MMP3: variants seen among roughly 807,000 people sequenced by gnomAD.
The protein encoded by MMP3 is matrix metallopeptidase 3, also known as stromelysin-1.
Under a neutral mutation model 47.3 loss-of-function variants are expected in MMP3, and 46 were observed. The observed-to-expected ratio is 0.97, with a 90% confidence interval of 0.77 to 1.24. The LOEUF is 1.24. Ranked by LOEUF, MMP3 falls within the 50% of genes most tolerant of loss-of-function variation. MMP3 has a pLI of 0.00. For missense variants in MMP3, 558 were observed against 565.5 expected, an observed-to-expected ratio of 0.99 and a Z score of 0.13; for synonymous variants, 216 against 206.5, an observed-to-expected ratio of 1.05 and a Z score of -0.39.
At position 102,840,181 on chromosome 11, in the gene MMP3, C is replaced by T. The variant is rs1238621767; in HGVS notation, c.862G>A (p.Ala288Thr). The change falls in exon 6 of 10, where the codon GCC becomes ACC. Residue 288 changes from alanine to threonine, a missense_variant. By Grantham distance (58) the Ala-to-Thr change is moderately conservative. Transcript: ENST00000299855. ...AAGGACAAAGCAGGATCACAGTTGG[C>T]TGGCGTCCCAGGTTCTGGAGGGACA... ...EPVPPEPGTP[A>T]NCDPALSFDA... is the part of the protein sequence containing the mutation. The T allele has an allele frequency of 6.2e-7, 1 of 1,613,948 alleles. No individual in the cohort carries two copies. Among genetic ancestry groups the T allele is most frequent in the Non-Finnish European group, 8.5e-7 (1 of 1,179,996 alleles).
rs1555005209 is a variant in MMP3, at chr11:102,840,180, G to T, written c.863C>A (p.Ala288Asp). 6 of 1,614,080 alleles carry T rather than the reference G, an allele frequency of 3.7e-6. No homozygotes were observed. Among genetic ancestry groups the T allele is most frequent in the South Asian group, 1.1e-5 (1 of 91,068 alleles). Residue 288 changes from alanine (A) to aspartate (D), a missense_variant, in exon 6 of 10, where the codon GCC becomes GAC. Coordinates refer to ENST00000299855, the MANE Select transcript of MMP3 (RefSeq NM_002422.5). ...AAAGGACAAAGCAGGATCACAGTTG[G>T]CTGGCGTCCCAGGTTCTGGAGGGAC... is the stretch of plus-strand genomic sequence containing the variant. ...EPVPPEPGTP[A>D]NCDPALSFDA...
chr11:102,842,146 T>C lies in MMP3; in HGVS notation c.625+8A>G. 1 of 1,563,080 alleles carries C rather than the reference T, an allele frequency of 6.4e-7. No individual in the cohort carries two copies. Among genetic ancestry groups the C allele is most frequent in the Admixed American group, 1.9e-5 (1 of 51,736 alleles). On this transcript the variant is annotated splice_region_variant and intron_variant, in intron 4 of 9. Coordinates refer to ENST00000299855, the MANE Select transcript of MMP3 (RefSeq NM_002422.5). ...TGCCAAAATCATTCTGAGAGATGTG[T>C]AACTAACCTGTTGTATCCTTTGTCC...
chr11:102,842,993 G>A, intron 1 of MMP3, 77 bp from the exon 2 acceptor site: 1 of 1,264,536 alleles, frequency 7.9e-7, no homozygotes, highest in Non-Finnish European at 1.1e-6. Context: ...AGTTTTTGCA[G>A]TTGCTCACTT....
chr11:102,840,064 A>G (rs369935243), intron 6 of MMP3, 44 bp downstream of exon 6: 1 of 1,567,670 alleles, frequency 6.4e-7, no homozygotes, highest in Non-Finnish European at 8.7e-7. Context: ...CTTTCTAAAC[A>G]TTGTAGATTA....
Position 102,840,326 on chromosome 11 carries a change from G to A in MMP3, c.791-74C>T, listed in dbSNP as rs1240814768. 1.3e-5 allele frequency: 20 copies of A among 1,587,224 alleles called. No individual in the cohort carries two copies. The Middle Eastern group carries it at 8.4e-4, about 67-fold the overall frequency. Reference sequence around the variant, plus strand: ...TTGTATGCTTTCCAAACATTCTCACGGTGCTTTGAACTAAATCATAAATAC... The same window carrying A: ...TTGTATGCTTTCCAAACATTCTCACAGTGCTTTGAACTAAATCATAAATAC... On this transcript the variant is annotated intron_variant, in intron 5 of 9. Coordinates refer to ENST00000299855, the MANE Select transcript of MMP3 (RefSeq NM_002422.5).
At chr11:102,839,449 G>A (rs1331679858) in intron 6 of MMP3, among the ~76,000 whole-genome samples, 2 of 152,150 alleles carry the variant, frequency 1.3e-5, no homozygotes, top group East Asian at 1.9e-4. Flanking sequence ...TAGGTTTCCA[G>A]AGTAATGTCT....
rs1859036731 is a variant in MMP3, at chr11:102,842,935, T to G, written c.106-19A>C. The G allele has an allele frequency of 6.4e-7, 1 of 1,559,928 alleles. No homozygotes were observed. The highest frequency in any genetic ancestry group is 8.7e-7 in the Non-Finnish European group (1 of 1,151,016). On this transcript the variant is annotated intron_variant, in intron 1 of 9. Transcript: ENST00000299855. ...GATATTTCTAACAGAATAAGTATAG[T>G]TTTTAGGTCACTCTTACAATTTTTA...
At chr11:102,839,026 T>A in intron 7 of MMP3, 84 bp downstream of exon 7, 1 of 1,461,422 alleles carries the variant, frequency 6.8e-7, no homozygotes, top group African/African-American at 1.4e-5. Context: ...CCAGAACTTG[T>A]AGTAGGGAAA....
In MMP3 at chr11:102,842,829, G is replaced by T. The variant is rs143174783; in HGVS notation, c.193C>A (p.Arg65=). The T allele has an allele frequency of 6.2e-6, 10 of 1,613,552 alleles. No individual in the cohort carries two copies. The highest frequency in any genetic ancestry group is 8.5e-6 in the Non-Finnish European group (10 of 1,179,884). The change falls in exon 2 of 10, where the codon CGA becomes AGA. Residue 65 remains arginine, a synonymous_variant. Coordinates refer to ENST00000299855, the MANE Select transcript of MMP3 (RefSeq NM_002422.5). The part of the protein sequence containing the change: ...KDSGPVVKKI[R]EMQKFLGLEV... ...AATCCAAGGAACTTCTGCATTTCTC[G>T]GATTTTTTTAACAACAGGACCACTG...
chr11:102,836,289 C>T lies in MMP3; in HGVS notation c.1334-63G>A. 2.4e-6 allele frequency: 3 copies of T among 1,276,182 alleles called. No homozygotes were observed. The South Asian group carries it at 3.7e-5, about 16-fold the overall frequency. 79.1% of individuals were successfully genotyped at this position (1,276,182 alleles called of 1,614,324 possible). A position where few individuals can be genotyped will look rare whatever the true frequency, so the allele number is the denominator to read the frequency against. On this transcript the variant is annotated intron_variant, in intron 9 of 9. Transcript: ENST00000299855. This position sits in a 1 kb window ranked among gnomAD's most constrained non-coding sequence, Gnocchi z 4.6. ...CCAAATAAAGACATTTGACAATATACAAAACTCAGAATCATAGAGAACTAA... is the reference window on the plus strand; with the variant it reads ...CCAAATAAAGACATTTGACAATATATAAAACTCAGAATCATAGAGAACTAA...
chr11:102,842,404 C>CTTTTTTTTTTTTTTTTTTTTTTTTT lies in MMP3; in HGVS notation c.499+26_499+27insAAAAAAAAAAAAAAAAAAAAAAAAA, dbSNP rs11418340. ...GTGTTTTTTGTTTTGTTTTGTTTTG[C>CTTTTTTTTTTTTTTTTTTTTTTTTT]TTTTTTTTTTTTTTTTTTTTTTTTA... On this transcript the variant is annotated intron_variant, in intron 3 of 9. Transcript: ENST00000299855. 15 of 813,330 alleles carry CTTTTTTTTTTTTTTTTTTTTTTTTT rather than the reference C, an allele frequency of 1.8e-5. 1 individual carries two copies. Among genetic ancestry groups the CTTTTTTTTTTTTTTTTTTTTTTTTT allele is most frequent in the Admixed American group, 5.6e-5 (1 of 17,828 alleles). 50.4% of individuals were successfully genotyped at this position (813,330 alleles called of 1,614,324 possible). A position where few individuals can be genotyped will look rare whatever the true frequency, so the allele number is the denominator to read the frequency against.
intron 1 of MMP3, 30 bp downstream of exon 1, chr11:102,843,412 C>T (rs1248094185): frequency 6.5e-7 from 1 of 1,539,818 alleles, no homozygotes; most frequent in African/African-American, 1.4e-5. Flanking sequence ...GGAAGCTCCC[C>T]ACCTGGCCAG....
At position 102,840,461 on chromosome 11, in the gene MMP3, T is replaced by C. The variant is rs782392767; in HGVS notation, c.758A>G (p.Gln253Arg). Residue 253 changes from glutamine (Q) to arginine (R), a missense_variant, in exon 5 of 10, where the codon CAA becomes CGA. By Grantham distance (43) the Gln-to-Arg change is conservative. Transcript: ENST00000299855. ...GGACTGAATGCCATTTATATCATCT[T>C]GAGACAGGCGGAACCGAGTCAGGTC... The part of the protein sequence containing the change: ...LTDLTRFRLS[Q>R]DDINGIQSLY... 3.7e-6 allele frequency: 6 copies of C among 1,614,080 alleles called. No homozygotes were observed. Among genetic ancestry groups the C allele is most frequent in the Non-Finnish European group, 5.1e-6 (6 of 1,179,984 alleles).
intron 8 of MMP3, 130 bp downstream of exon 8, chr11:102,838,421 A>C: frequency 1.0e-6 from 1 of 984,274 alleles, no homozygotes; most frequent in Non-Finnish European, 1.5e-6. Flanking sequence ...ACTTTCCCAC[A>C]GTTGTCTGAA....
In MMP3 at chr11:102,836,310, A is replaced by C; in HGVS notation, c.1334-84T>G. The C allele has an allele frequency of 9.5e-7, 1 of 1,047,890 alleles. No homozygotes were observed. The highest frequency in any genetic ancestry group is 1.5e-6 in the Non-Finnish European group (1 of 682,144). 64.9% of individuals were successfully genotyped at this position (1,047,890 alleles called of 1,614,324 possible). The stretch of plus-strand genomic sequence containing the variant: ...TATACAAAACTCAGAATCATAGAGA[A>C]CTAAAAATAGAAAGTGTTTATAGAG... On this transcript the variant is annotated intron_variant, in intron 9 of 9. Transcript: ENST00000299855. This position sits in a 1 kb window ranked among gnomAD's most constrained non-coding sequence, Gnocchi z 4.6.
At position 102,840,417 on chromosome 11, in the gene MMP3, A is replaced by G; in HGVS notation, c.790+12T>C. The G allele has an allele frequency of 6.2e-7, 1 of 1,610,656 alleles. No homozygotes were observed. ...CAAAACTACAATGGCTGATTTTCCCAGTGTCACTCACCATAGAGGGACTGA... is the reference window on the plus strand; with the variant it reads ...CAAAACTACAATGGCTGATTTTCCCGGTGTCACTCACCATAGAGGGACTGA... On this transcript the variant is annotated intron_variant, in intron 5 of 9. Transcript: ENST00000299855.
Position 102,837,239 on chromosome 11 carries a change from C to A in MMP3, c.1333+59G>T. On this transcript the variant is annotated intron_variant, in intron 9 of 9. Transcript: ENST00000299855. This position sits in a 1 kb window ranked among gnomAD's most constrained non-coding sequence, Gnocchi z 4.4. Reference sequence around the variant, plus strand: ...TAAAAAGTTTCAATGCTCCTCTTCCCTCTGATATCATAAAATGTTTCAAGT... The same window carrying A: ...TAAAAAGTTTCAATGCTCCTCTTCCATCTGATATCATAAAATGTTTCAAGT... The A allele has an allele frequency of 7.5e-7, 1 of 1,332,048 alleles. No homozygotes were observed. The highest frequency in any genetic ancestry group is 1.2e-5 in the South Asian group (1 of 83,334). 82.5% of individuals were successfully genotyped at this position (1,332,048 alleles called of 1,614,324 possible).
At position 102,836,632 on chromosome 11, in the gene MMP3, A is replaced by G. The variant is rs1279660212; in HGVS notation, c.1334-406T>C. On this transcript the variant is annotated intron_variant, in intron 9 of 9. Coordinates refer to ENST00000299855, the MANE Select transcript of MMP3 (RefSeq NM_002422.5). This position sits in a 1 kb window ranked among gnomAD's most constrained non-coding sequence, Gnocchi z 4.6. ...TCATCACCTATTTCTTTCTTCCCCA[A>G]AAATCCTCCTCCCTTTTCCCTGCAT... The G allele has an allele frequency of 1.1e-5, 5 of 462,760 alleles. No homozygotes were observed. Among genetic ancestry groups the G allele is most frequent in the African/African-American group, 4.0e-5 (2 of 49,820 alleles). 28.7% of individuals were successfully genotyped at this position (462,760 alleles called of 1,614,324 possible). A position where few individuals can be genotyped will look rare whatever the true frequency, so the allele number is the denominator to read the frequency against.
In MMP3 at chr11:102,842,504, T is replaced by C. The variant is rs1204868930; in HGVS notation, c.426A>G (p.Glu142=). The change falls in exon 3 of 10, where the codon GAA becomes GAG. Residue 142 remains glutamate (E), a synonymous_variant. Transcript: ENST00000299855. The part of the protein sequence containing the change: ...SAVEKALKVW[E]EVTPLTFSRL... ...TGGAGAATGTGAGTGGAGTCACCTC[T>C]TCCCAGACTTTCAGAGCTTTCTCAA... 2.2e-5 allele frequency: 35 copies of C among 1,579,310 alleles called. No individual in the cohort carries two copies. Among genetic ancestry groups the C allele is most frequent in the Non-Finnish European group, 2.9e-5 (34 of 1,159,872 alleles).
Sources: gnomAD v4.1 joint callset for allele counts (sites outside exome capture counted in the v4.1 genomes callset) on GRCh38, gnomAD v4.1.1 for gene constraint, Gnocchi (gnomAD v3.1) non-coding constraint, MANE v1.5 for transcripts, NCBI Gene and HGNC (gene_info 2026-07-23, HGNC 2026-07-21) for gene names.